The following SERPINB8 variants were observed in gnomAD, a reference collection of about 807,000 sequenced individuals.
SERPINB8 encodes serpin family B member 8.
A neutral mutation model predicts 35.3 loss-of-function variants in SERPINB8; 25 were observed. The observed-to-expected ratio is 0.71, with a 90% CI of 0.52 to 0.99. The LOEUF (loss-of-function observed/expected upper bound fraction) is 0.99, where lower values mean the gene tolerates loss of function less well. Among genes scored for constraint, SERPINB8 ranks in the 50% least tolerant of loss-of-function variants. The probability of loss-of-function intolerance (pLI) is 0.00; values close to 1 mark genes in which losing one functional copy is unlikely to be tolerated. For synonymous variants in SERPINB8, 186 were observed against 160.8 expected (o/e 1.16, Z -1.19); for missense variants, 484 against 446.5 (o/e 1.08, Z -0.76).
At chr18:63,984,372 T>G (rs1240377121) in intron 5 of SERPINB8, among the ~76,000 whole-genome samples, 1 of 152,226 alleles carries the variant, frequency 6.6e-6, no homozygotes, top group Non-Finnish European at 1.5e-5. Context: ...CTTTTTGCAA[T>G]ATCAGTGGCA....
Position 63,979,832 on chromosome 18 carries a change from A to G in SERPINB8, c.200A>G (p.His67Arg), listed in dbSNP as rs761282961. 6.2e-7 allele frequency: 1 copy of G among 1,614,066 alleles called. No individual in the cohort carries two copies. The highest frequency in any genetic ancestry group is 8.5e-7 in the Non-Finnish European group (1 of 1,179,964). The change falls in exon 3 of 7, where the codon CAC becomes CGC. Residue 67 changes from histidine (H) to arginine (R), a missense_variant. By Grantham distance (29) the His-to-Arg change is conservative. Transcript: ENST00000397985. ...ALCLYKDGDI[H>R]RGFQSLLSEV... ...TGTTTATACAAAGACGGAGATATTC[A>G]CCGAGGTTTCCAGTCACTTCTCAGT...
chr18:63,978,448 A>G lies in SERPINB8; in HGVS notation c.140A>G (p.Lys47Arg), dbSNP rs1471325516. Residue 47 changes from lysine to arginine, a missense_variant, in exon 2 of 7, where the codon AAG becomes AGG. Physicochemically the swap from Lys to Arg is conservative, Grantham distance 26. Coordinates refer to ENST00000397985, the MANE Select transcript of SERPINB8 (RefSeq NM_002640.4). Reference protein sequence around the residue: ...SALAMVFMGAKGSTAAQMSQA... With the variant: ...SALAMVFMGARGSTAAQMSQA... Reference sequence around the variant, plus strand: ...CTGGCCATGGTCTTCATGGGGGCAAAGGGAAGCACTGCAGCCCAGATGTCC... The same window carrying G: ...CTGGCCATGGTCTTCATGGGGGCAAGGGGAAGCACTGCAGCCCAGATGTCC... The G allele has an allele frequency of 6.2e-7, 1 of 1,614,196 alleles. No homozygotes were observed. Among genetic ancestry groups the G allele is most frequent in the Admixed American group, 1.7e-5 (1 of 60,022 alleles).
At chr18:63,978,193 G>T in intron 1 of SERPINB8, 106 bp from the exon 2 acceptor site, 2 of 1,208,366 alleles carry the variant, frequency 1.7e-6, no homozygotes, top group South Asian at 1.3e-5. Context: ...TTGGAGGGTG[G>T]TTCTTCCACC....
intron 2 of SERPINB8, 63 bp from the exon 3 acceptor site, chr18:63,979,738 G>T (rs1599139764): frequency 1.9e-6 from 3 of 1,595,282 alleles, no homozygotes; most frequent in Non-Finnish European, 8.6e-7. Context: ...GGTTTGTTTG[G>T]AGAAAGCTCT....
chr18:63,973,097 A>T (rs148722245), intron 1 of SERPINB8, among the ~76,000 whole-genome samples: 15 of 152,202 alleles, frequency 9.9e-5, no homozygotes, highest in African/African-American at 1.7e-4. Flanking sequence ...ACTAGTTTAC[A>T]GTCCTACCAA....
At position 63,987,373 on chromosome 18, in the gene SERPINB8, C is replaced by A; in HGVS notation, c.*95C>A. 3 of 1,293,354 alleles carry A rather than the reference C, an allele frequency of 2.3e-6. No homozygotes were observed. Among genetic ancestry groups the A allele is most frequent in the Non-Finnish European group, 2.1e-6 (2 of 930,740 alleles). 80.1% of individuals were successfully genotyped at this position (1,293,354 alleles called of 1,614,324 possible). ...CCTAGTTGGTGCAGTGGCTTGAATG[C>A]CAAAATAAAGCGTGTGCACTGGATA... On this transcript the variant is annotated 3_prime_UTR_variant, in exon 7 of 7. Coordinates refer to ENST00000397985, the MANE Select transcript of SERPINB8 (RefSeq NM_002640.4).
Position 63,970,151 on chromosome 18 carries a change from A to AGCGGCGGCG in SERPINB8, c.-28_-27insGGCGGCGGC. On this transcript the variant is annotated 5_prime_UTR_variant, in exon 1 of 7. Transcript: ENST00000397985. Reference sequence around the variant, plus strand: ...CAGCAGCGGCGGCGGCGGCGGCGGCAGCAGCAGCAGCAGCAGGAGGTGGGG... The same window carrying AGCGGCGGCG: ...CAGCAGCGGCGGCGGCGGCGGCGGCAGCGGCGGCGGCAGCAGCAGCAGCAGGAGGTGGGG... The AGCGGCGGCG allele has an allele frequency of 2.0e-5, 5 of 253,924 alleles. No homozygotes were observed. The highest frequency in any genetic ancestry group is 5.0e-5 in the Admixed American group (1 of 19,880). The allele number at this position is 253,924 out of a possible 1,614,324, so 15.7% of individuals were successfully genotyped here. A position where few individuals can be genotyped will look rare whatever the true frequency, so the allele number is the denominator to read the frequency against.
In SERPINB8 at chr18:63,987,254, C is replaced by G; in HGVS notation, c.1101C>G (p.Phe367Leu). The G allele has an allele frequency of 6.2e-7, 1 of 1,613,404 alleles. No homozygotes were observed. The highest frequency in any genetic ancestry group is 8.5e-7 in the Non-Finnish European group (1 of 1,179,480). ...IRHHKTNCIL[F>L]CGRFSSP is the part of the protein sequence containing the mutation. The stretch of plus-strand genomic sequence containing the variant: ...ACCACAAAACCAACTGCATCTTGTT[C>G]TGTGGCAGGTTCTCTTCTCCGTAAA... Residue 367 changes from phenylalanine (F) to leucine (L), a missense_variant, in exon 7 of 7, where the codon TTC becomes TTG. Physicochemically the swap from Phe to Leu is conservative, Grantham distance 22. Coordinates refer to ENST00000397985, the MANE Select transcript of SERPINB8 (RefSeq NM_002640.4).
rs551147822 is a variant in SERPINB8 at position 64,004,657 on chromosome 18, TTTTA to T, written c.71-154_71-151del. The stretch of plus-strand genomic sequence containing the variant: ...TTTGGAAATTTGAAAGCTTGCTGAT[TTTTA>T]TTTATTTTTACTTCACTTATTTATT... On this transcript the variant is annotated intron_variant, in intron 1 of 1. Transcript: ENST00000493661. Among the ~76,000 whole-genome samples, 10 of 152,318 alleles carry T rather than the reference TTTTA, an allele frequency of 6.6e-5. No homozygotes were observed. The South Asian group carries it at 1.2e-3, about 19-fold the overall frequency.
chr18:63,985,241 C>T lies in SERPINB8; in HGVS notation c.716C>T (p.Ala239Val), dbSNP rs1478851286. The T allele has an allele frequency of 6.2e-7, 1 of 1,613,946 alleles. No homozygotes were observed. Among genetic ancestry groups the T allele is most frequent in the African/African-American group, 1.3e-5 (1 of 74,906 alleles). ...ILLPDDNTDL[A>V]VVEKALTYEK... is the part of the protein sequence containing the mutation. ...CTTCCCGATGACAACACGGACCTCG[C>T]CGTGGTAAGCTCCAGGCAATGAGCC... Residue 239 changes from alanine (A) to valine (V), a missense_variant, in exon 6 of 7, where the codon GCC becomes GTC. Coordinates refer to ENST00000397985, the MANE Select transcript of SERPINB8 (RefSeq NM_002640.4).
rs77446759 is a variant in SERPINB8, at chr18:63,994,993, C to T, written c.70+9748C>T. On this transcript the variant is annotated intron_variant, in intron 1 of 1. Coordinates refer to the SERPINB8 transcript ENST00000493661. ...TGACTATCCGGCGCCCTCTACTGGA[C>T]GATCTAGGCAATGACATTCCCAAAT... Among the ~76,000 whole-genome samples, 792 of 152,252 alleles carry T rather than the reference C, an allele frequency of 5.2e-3. 9 individuals are homozygous for T. The highest frequency in any genetic ancestry group is 0.017 in the African/African-American group (699 of 41,532).
At chr18:63,989,758 A>G (rs1046593583), downstream of SERPINB8, among the ~76,000 whole-genome samples, 20 of 151,744 alleles carry the variant, frequency 1.3e-4, no homozygotes, top group African/African-American at 4.8e-4. Context: ...CCCGGCTAAA[A>G]CGGTGAAACC....
chr18:63,973,727 C>T (rs1484539654), intron 1 of SERPINB8, among the ~76,000 whole-genome samples: 1 of 152,186 alleles, frequency 6.6e-6, no homozygotes, highest in African/African-American at 2.4e-5. Flanking sequence ...TTCCCAGCAC[C>T]ATTTATTAAA....
intron 7 of SERPINB8, among the ~76,000 whole-genome samples, chr18:64,014,841 T>G (rs1352512259): frequency 3.9e-5 from 6 of 152,182 alleles, no homozygotes; most frequent in Admixed American, 3.3e-4. Context: ...GAAGGCAAAT[T>G]GAGCTACCCA....
At chr18:63,970,668 G>C (rs1485025556) in intron 1 of SERPINB8, 1 of 152,486 alleles carries the variant, frequency 6.6e-6, no homozygotes, top group East Asian at 1.9e-4. Context: ...GGCGGGGCCT[G>C]GAATTTCCGT....
At chr18:63,996,763 A>T (rs2050851699) in intron 1 of SERPINB8, among the ~76,000 whole-genome samples, 2 of 152,230 alleles carry the variant, frequency 1.3e-5, no homozygotes, top group African/African-American at 4.8e-5. Context: ...CCTGGTTGTA[A>T]TCTGGGCAAG....
intron 1 of SERPINB8, among the ~76,000 whole-genome samples, chr18:64,002,103 A>AC (rs1451302748): frequency 6.7e-6 from 1 of 150,320 alleles, no homozygotes; most frequent in African/African-American, 2.5e-5. Context: ...CTGCCTCTGA[A>AC]CCCCCCGATA....
downstream of SERPINB8, among the ~76,000 whole-genome samples, chr18:63,989,631 A>G (rs2050810226): frequency 1.3e-5 from 2 of 152,110 alleles, no homozygotes; most frequent in African/African-American, 4.8e-5. Context: ...CTAATGCCTA[A>G]TTATGTTCAG....
At chr18:63,999,209 G>T (rs530181231) in intron 1 of SERPINB8, among the ~76,000 whole-genome samples, 2 of 152,280 alleles carry the variant, frequency 1.3e-5, no homozygotes, top group East Asian at 3.9e-4. Flanking sequence ...TCAGGCAGCT[G>T]CCATCATGCT....
Sources: gnomAD v4.1 joint callset for allele counts (sites outside exome capture counted in the v4.1 genomes callset) on GRCh38, gnomAD v4.1.1 for gene constraint, MANE v1.5 for transcripts, NCBI Gene and HGNC (gene_info 2026-07-23, HGNC 2026-07-21) for gene names.